RARB: variants seen among roughly 807,000 people sequenced by gnomAD.
The protein encoded by RARB is retinoic acid receptor beta.
In RARB, 17 loss-of-function variants were observed where a neutral mutation model predicts 51.9. The observed-to-expected ratio is 0.33, with a 90% CI of 0.22 to 0.49. The LOEUF (loss-of-function observed/expected upper bound fraction) is 0.49, where lower values mean the gene tolerates loss of function less well. RARB is among the 20% of genes least tolerant of loss of function. The pLI is 0.99. For missense variants in RARB, 369 were observed against 550.8 expected (o/e 0.67, Z 3.30); for synonymous variants, 215 against 195.4 (o/e 1.10, Z -0.84).
Position 24,898,848 on chromosome 3 carries a change from A to G in RARB, c.-380+40096A>G, listed in dbSNP as rs559335885. Among the ~76,000 whole-genome samples, 6 of 152,244 alleles carry G rather than the reference A, an allele frequency of 3.9e-5. No homozygotes were observed. In the East Asian group the frequency reaches 9.7e-4, roughly 25 times the overall value. ...GCTTCTCCACCAGGCTGCACACCAC[A>G]TTCAAGGTAGGAAGGGTGGAGAATC... On this transcript the variant is annotated intron_variant, in intron 2 of 11. Coordinates refer to the RARB transcript ENST00000383772.
chr3:25,220,452 G>A (rs1559510932), intron 5 of RARB, among the ~76,000 whole-genome samples: 2 of 152,126 alleles, frequency 1.3e-5, no homozygotes, highest in African/African-American at 4.8e-5. Context: ...AACTTGCATG[G>A]TTAGGCTTTG....
At chr3:25,468,821 C>G (rs1575433333) in intron 2 of RARB, among the ~76,000 whole-genome samples, 1 of 152,306 alleles carries the variant, frequency 6.6e-6, no homozygotes, top group East Asian at 1.9e-4. Flanking sequence ...GGGCATGTTC[C>G]CAGATGCAGC....
At chr3:24,920,711 G>C (rs1288609289) in intron 2 of RARB, among the ~76,000 whole-genome samples, 6 of 152,066 alleles carry the variant, frequency 3.9e-5, no homozygotes, top group African/African-American at 1.2e-4. Flanking sequence ...TGCCACGATG[G>C]CTTCCATTCT....
At chr3:25,118,811 A>G (rs1235591668) in intron 3 of RARB, among the ~76,000 whole-genome samples, 1 of 152,158 alleles carries the variant, frequency 6.6e-6, no homozygotes, top group Non-Finnish European at 1.5e-5. Context: ...TTTTAGGTCC[A>G]TTATAATACA....
intron 5 of RARB, among the ~76,000 whole-genome samples, chr3:25,307,729 C>T (rs143579766): frequency 3.7e-4 from 57 of 152,158 alleles, no homozygotes; most frequent in African/African-American, 1.2e-3. Context: ...AGAATGAGGA[C>T]GAGGCACACA....
chr3:25,135,976 G>T (rs1484888871), intron 4 of RARB, among the ~76,000 whole-genome samples: 6 of 151,870 alleles, frequency 4.0e-5, no homozygotes, highest in Non-Finnish European at 7.4e-5. Flanking sequence ...TATACAAGAA[G>T]ATGTTTAAGA....
intron 4 of RARB, among the ~76,000 whole-genome samples, chr3:25,580,001 A>G (rs545151861): frequency 2.0e-4 from 30 of 152,234 alleles, no homozygotes; most frequent in Non-Finnish European, 3.5e-4. Flanking sequence ...TGTTAGCTGG[A>G]TAACTGCATA....
At chr3:25,584,082 A>G (rs75726496) in intron 5 of RARB, among the ~76,000 whole-genome samples, 5,065 of 152,216 alleles carry the variant, frequency 0.033, 117 homozygotes, top group Non-Finnish European at 0.047. Context: ...AACTTAAAAT[A>G]AAAATCGTAA....
intron 5 of RARB, among the ~76,000 whole-genome samples, chr3:25,230,725 A>C (rs1702157872): frequency 6.6e-6 from 1 of 152,068 alleles, no homozygotes; most frequent in African/African-American, 2.4e-5. Context: ...TGGAAACTAC[A>C]TGCTTCCAAA....
At chr3:25,551,109 G>A (rs567658750) in intron 3 of RARB, among the ~76,000 whole-genome samples, 1 of 152,128 alleles carries the variant, frequency 6.6e-6, no homozygotes, top group African/African-American at 2.4e-5. Context: ...GGCTTGAAGG[G>A]CAGGGTCTTA....
intron 4 of RARB, among the ~76,000 whole-genome samples, chr3:25,163,955 C>T (rs1049327872): frequency 4.6e-5 from 7 of 152,162 alleles, no homozygotes; most frequent in Admixed American, 3.3e-4. Context: ...GCGTCTCACA[C>T]AGTATGCAAA....
chr3:25,416,008 G>C (rs766109984), intron 5 of RARB, among the ~76,000 whole-genome samples: 14 of 152,166 alleles, frequency 9.2e-5, no homozygotes, highest in Admixed American at 9.2e-4. Context: ...ACATGACCTA[G>C]AGTCCTATTT....
intron 4 of RARB, among the ~76,000 whole-genome samples, chr3:25,149,404 A>G (rs970239744): frequency 2.6e-5 from 4 of 152,244 alleles, no homozygotes; most frequent in African/African-American, 4.8e-5. Flanking sequence ...TATATAATAA[A>G]GAGCATATAT....
intron 1 of RARB, among the ~76,000 whole-genome samples, chr3:25,439,366 C>A (rs1469998052): frequency 6.6e-6 from 1 of 152,186 alleles, no homozygotes; most frequent in Non-Finnish European, 1.5e-5. Context: ...TCTAATTGGC[C>A]TCTCAGATAA....
intron 1 of RARB, among the ~76,000 whole-genome samples, chr3:25,432,226 G>A (rs1317199303): frequency 6.6e-6 from 1 of 152,142 alleles, no homozygotes; most frequent in East Asian, 1.9e-4. Context: ...AAATCATATT[G>A]TGAATATTGG....
At chr3:25,089,043 T>C (rs1350328545) in intron 3 of RARB, among the ~76,000 whole-genome samples, 2 of 152,048 alleles carry the variant, frequency 1.3e-5, no homozygotes, top group East Asian at 1.9e-4. Flanking sequence ...TGTGAAACTT[T>C]CTAAGTTGAC....
intron 5 of RARB, among the ~76,000 whole-genome samples, chr3:25,363,007 C>G (rs1224762575): frequency 6.6e-6 from 1 of 151,964 alleles, no homozygotes; most frequent in Non-Finnish European, 1.5e-5. Context: ...TTTACAGGTC[C>G]TGGCAATTGA....
chr3:25,052,565 T>C (rs898544370), intron 2 of RARB, among the ~76,000 whole-genome samples: 1 of 152,090 alleles, frequency 6.6e-6, no homozygotes, highest in Non-Finnish European at 1.5e-5. Flanking sequence ...AAAACTAAAA[T>C]AGGGTAGGAA....
intron 1 of RARB, among the ~76,000 whole-genome samples, chr3:25,434,392 A>G (rs958414543): frequency 3.3e-5 from 5 of 152,202 alleles, no homozygotes; most frequent in East Asian, 1.9e-4. Flanking sequence ...TCCAGCTGTT[A>G]ACAATTCACT....
Sources: allele counts gnomAD v4.1 joint callset (sites outside exome capture counted in the v4.1 genomes callset), GRCh38; gene constraint gnomAD v4.1.1; transcripts MANE v1.5; gene names NCBI Gene and HGNC (gene_info 2026-07-23, HGNC 2026-07-21).